Variants in ARSB observed in about 807,000 individuals in gnomAD.
The protein encoded by ARSB is N-acetylgalactosamine-4-sulfatase.
In ARSB, 41 loss-of-function variants were observed where a neutral mutation model predicts 50.9. That is an observed-to-expected ratio of 0.81 (90% confidence interval 0.63 to 1.04). The LOEUF is 1.04. Ranked by LOEUF, ARSB falls within the 50% of genes least tolerant of loss-of-function variation. The pLI is 0.00. For missense variants in ARSB, 672 were observed against 693.3 expected (o/e 0.97, Z 0.35); for synonymous variants, 269 against 284.8 (o/e 0.94, Z 0.56).
intron 6 of ARSB, among the ~76,000 whole-genome samples, chr5:78,793,360 C>T (rs181959416): frequency 8.5e-5 from 13 of 152,282 alleles, no homozygotes; most frequent in Non-Finnish European, 7.4e-5. Flanking sequence ...TAGAAGACAA[C>T]GCTCTTTTTC....
chr5:78,968,218 C>A (rs975518608), intron 2 of ARSB, among the ~76,000 whole-genome samples: 10 of 148,958 alleles, frequency 6.7e-5, no homozygotes, highest in African/African-American at 2.5e-4. Context: ...AAGAGTCTTC[C>A]CCCACCCCCT....
chr5:78,929,792 CAAAAA>C (rs11355138), intron 4 of ARSB, among the ~76,000 whole-genome samples: 3 of 106,644 alleles, frequency 2.8e-5, no homozygotes, highest in African/African-American at 3.5e-5. Flanking sequence ...GACTCTGTCT[CAAAAA>C]AAAAAAAAAA....
At chr5:78,953,915 A>G (rs1423897794) in intron 4 of ARSB, among the ~76,000 whole-genome samples, 1 of 152,244 alleles carries the variant, frequency 6.6e-6, no homozygotes, top group Non-Finnish European at 1.5e-5. Context: ...TTAAGAGCAC[A>G]GGCTTTGGGG....
At chr5:78,890,093 A>AT (rs952654205) in intron 4 of ARSB, among the ~76,000 whole-genome samples, 14 of 151,570 alleles carry the variant, frequency 9.2e-5, no homozygotes, top group Non-Finnish European at 1.3e-4. Flanking sequence ...GATTCTTTGG[A>AT]TTTTTTTTTA....
chr5:78,982,943 CATAACCATGGG>C (rs1752974108), intron 1 of ARSB, among the ~76,000 whole-genome samples: 1 of 152,204 alleles, frequency 6.6e-6, no homozygotes, highest in Non-Finnish European at 1.5e-5. Flanking sequence ...TCCTTTACTT[CATAACCATGGG>C]GTACTCTAAA....
intron 5 of ARSB, among the ~76,000 whole-genome samples, chr5:78,843,898 T>C (rs1467599255): frequency 6.6e-6 from 1 of 152,244 alleles, no homozygotes; most frequent in Non-Finnish European, 1.5e-5. Flanking sequence ...CATTCCTTTA[T>C]ATGGCTAAAT....
chr5:78,797,388 C>A (rs1309291214), intron 6 of ARSB, among the ~76,000 whole-genome samples: 1 of 152,236 alleles, frequency 6.6e-6, no homozygotes, highest in Non-Finnish European at 1.5e-5. Context: ...AGAATCTTAT[C>A]TCTAACCCAG....
At chr5:78,805,946 T>G (rs1743543467) in intron 6 of ARSB, among the ~76,000 whole-genome samples, 1 of 152,232 alleles carries the variant, frequency 6.6e-6, no homozygotes. Flanking sequence ...CCTGCCTTGT[T>G]GCTTTCTAGC....
intron 4 of ARSB, among the ~76,000 whole-genome samples, chr5:78,925,138 C>G (rs1326379775): frequency 6.6e-6 from 1 of 152,162 alleles, no homozygotes; most frequent in Non-Finnish European, 1.5e-5. Flanking sequence ...ATTTACAGTT[C>G]TCAGCAGGAT....
At chr5:78,982,544 T>G (rs752554312) in intron 1 of ARSB, among the ~76,000 whole-genome samples, 2 of 152,220 alleles carry the variant, frequency 1.3e-5, no homozygotes, top group Non-Finnish European at 2.9e-5. Context: ...TAGGGCCACG[T>G]GCCCTGGGTC....
At chr5:78,954,113 A>G (rs1165125444) in intron 4 of ARSB, among the ~76,000 whole-genome samples, 3 of 152,142 alleles carry the variant, frequency 2.0e-5, no homozygotes, top group Middle Eastern at 3.2e-3. Context: ...GGAAAAAAAA[A>G]ACTAGGAAAA....
In ARSB at chr5:78,955,433, G is replaced by A; in HGVS notation, c.760C>T (p.Pro254Ser). 1.9e-6 allele frequency: 3 copies of A among 1,614,166 alleles called. No homozygotes were observed. Among genetic ancestry groups the A allele is most frequent in the Non-Finnish European group, 2.5e-6 (3 of 1,180,024 alleles). Residue 254 changes from proline to serine, a missense_variant, in exon 4 of 8, where the codon CCA becomes TCA. Coordinates refer to ENST00000264914, the MANE Select transcript of ARSB (RefSeq NM_000046.5). ...PLQVPEEYLK[P>S]YDFIQDKNRH... Reference sequence around the variant, plus strand: ...TTCTTGTCTTGGATAAAGTCATATGGCTTCAAGTATTCCTCAGGGACCTGA... The same window carrying A: ...TTCTTGTCTTGGATAAAGTCATATGACTTCAAGTATTCCTCAGGGACCTGA...
chr5:78,862,660 A>T (rs1372780054), intron 5 of ARSB, among the ~76,000 whole-genome samples: 1 of 152,212 alleles, frequency 6.6e-6, no homozygotes, highest in Non-Finnish European at 1.5e-5. Context: ...AGAAGAAAAA[A>T]ACCTAGGCAT....
chr5:78,969,139 A>G lies in ARSB; in HGVS notation c.366T>C (p.Val122=). The G allele has an allele frequency of 6.2e-7, 1 of 1,614,182 alleles. No individual in the cohort carries two copies. ...QIIWPCQPSC[V]PLDEKLLPQL... ...GGGGCAGGAGTTTTTCATCCAGAGG[A>G]ACACAGCTGGGCTGACAGGGCCAGA... The change falls in exon 2 of 8, where the codon GTT becomes GTC. Residue 122 remains valine (V), a synonymous_variant. Coordinates refer to ENST00000264914, the MANE Select transcript of ARSB (RefSeq NM_000046.5).
Position 78,825,585 on chromosome 5 carries a change from C to A in ARSB, c.1213+13771G>T, listed in dbSNP as rs1311214528. 6.6e-5 allele frequency among the ~76,000 whole-genome samples: 10 copies of A among 152,282 alleles called. No homozygotes were observed. In the East Asian group the frequency reaches 1.9e-3, roughly 29 times the overall value. On this transcript the variant is annotated intron_variant, in intron 6 of 7. Coordinates refer to ENST00000264914, the MANE Select transcript of ARSB (RefSeq NM_000046.5). ...AACTTGTCCAAAAAATAACCCAGATCCAATCTTCAACTTTCTTTAAATAAA... is the reference window on the plus strand; with the variant it reads ...AACTTGTCCAAAAAATAACCCAGATACAATCTTCAACTTTCTTTAAATAAA...
chr5:78,930,479 G>A (rs1388706578), intron 4 of ARSB, among the ~76,000 whole-genome samples: 3 of 152,238 alleles, frequency 2.0e-5, no homozygotes, highest in East Asian at 1.9e-4. Flanking sequence ...GAATAGTCAC[G>A]GTAGGAGAGG....
chr5:78,960,168 C>T (rs140260229), intron 3 of ARSB, among the ~76,000 whole-genome samples: 7 of 152,302 alleles, frequency 4.6e-5, no homozygotes, highest in Non-Finnish European at 8.8e-5. Flanking sequence ...CTAAGTATTA[C>T]ATAAAAGCAA....
intron 4 of ARSB, among the ~76,000 whole-genome samples, chr5:78,901,138 T>C (rs980970016): frequency 6.6e-6 from 1 of 152,106 alleles, no homozygotes; most frequent in Non-Finnish European, 1.5e-5. Context: ...TCTTCCACTT[T>C]TAAGGTCACC....
intron 5 of ARSB, among the ~76,000 whole-genome samples, chr5:78,868,008 G>A (rs1400804701): frequency 1.5e-5 from 2 of 130,808 alleles, no homozygotes; most frequent in Admixed American, 1.6e-4. Flanking sequence ...AGAACTACGT[G>A]AAGAATGCAG....
Sources: allele counts gnomAD v4.1 joint callset (sites outside exome capture counted in the v4.1 genomes callset), GRCh38; gene constraint gnomAD v4.1.1; transcripts MANE v1.5; gene names NCBI Gene and HGNC (gene_info 2026-07-23, HGNC 2026-07-21).